Variants in SHC3 observed in about 807,000 individuals in gnomAD.
SHC3 encodes SHC-transforming protein 3.
A neutral mutation model predicts 60.4 loss-of-function variants in SHC3; 15 were observed. The ratio of observed to expected loss-of-function variants is 0.25; its 90% CI spans 0.17 to 0.38. The LOEUF is 0.38. Among genes scored for constraint, SHC3 ranks in the 10% least tolerant of loss-of-function variants. The probability of loss-of-function intolerance (pLI) is 1.00; values close to 1 mark genes in which losing one functional copy is unlikely to be tolerated. For synonymous variants in SHC3, 294 were observed against 325.9 expected (o/e 0.90, Z 1.05); for missense variants, 677 against 786.1 (o/e 0.86, Z 1.66).
At chr9:89,141,540 A>T (rs779378848) in intron 1 of SHC3, among the ~76,000 whole-genome samples, 3 of 152,202 alleles carry the variant, frequency 2.0e-5, no homozygotes, top group Non-Finnish European at 4.4e-5. Context: ...CCAGCATGCC[A>T]GGCTTCTGGG....
rs377205098 is a variant in SHC3 at position 89,082,797 on chromosome 9, T to C, written c.546-4894A>G. Among the ~76,000 whole-genome samples, 4 of 152,300 alleles carry C rather than the reference T, an allele frequency of 2.6e-5. No homozygotes were observed. In the South Asian group the frequency reaches 8.3e-4, roughly 32 times the overall value. ...AACCTGCGGTTGCCTCCCGCCCTCC[T>C]GTCTGAAGGGACCTCATAGTCTCTG... On this transcript the variant is annotated intron_variant, in intron 2 of 11. Transcript: ENST00000375835.
chr9:89,054,162 G>A (rs1317229509), intron 6 of SHC3, among the ~76,000 whole-genome samples: 1 of 152,182 alleles, frequency 6.6e-6, no homozygotes, highest in Non-Finnish European at 1.5e-5. Context: ...AGAGCATGAA[G>A]CCTGGGAAGG....
intron 11 of SHC3, chr9:89,037,326 G>C: frequency 1.7e-6 from 1 of 588,590 alleles, no homozygotes; most frequent in South Asian, 2.3e-5. Context: ...CTGGATAAAA[G>C]GTTTTAAACA....
intron 1 of SHC3, among the ~76,000 whole-genome samples, chr9:89,116,004 C>T (rs1168570799): frequency 6.6e-6 from 1 of 152,064 alleles, no homozygotes; most frequent in Non-Finnish European, 1.5e-5. Flanking sequence ...TAGGCAAGTA[C>T]CATAATTAAT....
intron 1 of SHC3, among the ~76,000 whole-genome samples, chr9:89,142,162 T>TA (rs1022193471): frequency 3.3e-5 from 5 of 152,324 alleles, no homozygotes; most frequent in African/African-American, 9.6e-5. Flanking sequence ...AGAAGGACTT[T>TA]ACTAAATGGC....
Position 89,144,457 on chromosome 9 carries a change from TG to T in SHC3, c.475-31832del, listed in dbSNP as rs1458783836. 7.9e-5 allele frequency among the ~76,000 whole-genome samples: 12 copies of T among 152,190 alleles called. No individual in the cohort carries two copies. The East Asian group carries it at 2.3e-3, about 29-fold the overall frequency. On this transcript the variant is annotated intron_variant, in intron 1 of 11. Transcript: ENST00000375835. ...CTCAGTAGCTCTGGGTGGAGCCTAATGCTAATGATCTGGTCAGAGACCACAT... is the reference window on the plus strand; with the variant it reads ...CTCAGTAGCTCTGGGTGGAGCCTAATCTAATGATCTGGTCAGAGACCACAT...
chr9:89,170,103 C>T (rs748586867), intron 1 of SHC3, among the ~76,000 whole-genome samples: 4 of 152,124 alleles, frequency 2.6e-5, no homozygotes, highest in South Asian at 2.1e-4. Flanking sequence ...AGATCCGAGG[C>T]GTCCAAACCA....
chr9:89,143,377 A>T lies in SHC3; in HGVS notation c.475-30751T>A, dbSNP rs545286582. Among the ~76,000 whole-genome samples, 7 of 151,940 alleles carry T rather than the reference A, an allele frequency of 4.6e-5. No individual in the cohort carries two copies. In the East Asian group the frequency reaches 1.4e-3, roughly 29 times the overall value. On this transcript the variant is annotated intron_variant, in intron 1 of 11. Transcript: ENST00000375835. ...CTTCTTGACTGCAACCTGTTTTATC[A>T]GCAAAGTCTTTATGACCTTTATCTC...
Position 89,047,069 on chromosome 9 carries a change from C to T in SHC3, c.963-75G>A, listed in dbSNP as rs112629985. 1.7e-5 allele frequency: 24 copies of T among 1,425,770 alleles called. 1 individual carries two copies. The East Asian group carries it at 1.7e-4, about 10-fold the overall frequency. 88.3% of individuals were successfully genotyped at this position (1,425,770 alleles called of 1,614,324 possible). ...CCAAAATCAACAAATCTAATGTTAG[C>T]GCCTGTTATTAAGAAAAGAGAGTTT... On this transcript the variant is annotated intron_variant, in intron 7 of 11. Coordinates refer to ENST00000375835, the MANE Select transcript of SHC3 (RefSeq NM_016848.6).
In SHC3 at chr9:89,178,491, G is replaced by C; in HGVS notation, c.-31C>G. 1.4e-6 allele frequency: 2 copies of C among 1,422,864 alleles called. 1 individual carries two copies. Among genetic ancestry groups the C allele is most frequent in the Non-Finnish European group, 1.8e-6 (2 of 1,082,646 alleles). 88.1% of individuals were successfully genotyped at this position (1,422,864 alleles called of 1,614,324 possible). On this transcript the variant is annotated 5_prime_UTR_variant, in exon 1 of 12. Coordinates refer to ENST00000375835, the MANE Select transcript of SHC3 (RefSeq NM_016848.6). The surrounding 1 kb of genome is among the most constrained non-coding windows in gnomAD (Gnocchi z 6.9). ...TCCGTGGGCTCGCTGCATCCGCCCG[G>C]GCGCTGCTGGTGCCGGCCCCGGCGC...
At chr9:89,160,305 T>C (rs914365654) in intron 1 of SHC3, among the ~76,000 whole-genome samples, 5 of 152,288 alleles carry the variant, frequency 3.3e-5, no homozygotes, top group African/African-American at 1.2e-4. Flanking sequence ...CCTACCCAGA[T>C]CTGGATAGTC....
intron 2 of SHC3, 103 bp downstream of exon 2, chr9:89,112,453 C>T (rs2118113347): frequency 7.8e-7 from 1 of 1,281,556 alleles, no homozygotes; most frequent in Non-Finnish European, 1.1e-6. Flanking sequence ...GCCACTAACC[C>T]TCCAAGGGCC....
At chr9:89,118,563 C>A (rs1255685229) in intron 1 of SHC3, among the ~76,000 whole-genome samples, 2 of 151,532 alleles carry the variant, frequency 1.3e-5, no homozygotes, top group Non-Finnish European at 2.9e-5. Context: ...ACTCATGGAC[C>A]ACAGTTGCCT....
intron 6 of SHC3, among the ~76,000 whole-genome samples, chr9:89,053,281 C>T (rs114536851): frequency 3.9e-5 from 6 of 152,344 alleles, no homozygotes; most frequent in African/African-American, 1.4e-4. Flanking sequence ...CGCGTTGGTC[C>T]CTGCAGTGAG....
chr9:89,178,383 C>T lies in SHC3; in HGVS notation c.78G>A (p.Ser26=). The change falls in exon 1 of 12, where the codon TCG becomes TCA. Residue 26 remains serine, a synonymous_variant. Transcript: ENST00000375835. The surrounding 1 kb of genome is among the most constrained non-coding windows in gnomAD (Gnocchi z 6.9). ...TSVDDLLHSL[S]VSGGGGKVSA... ...AAACCTTGCCTCCGCCGCCGCTCAC[C>T]GACAGGCTGTGGAGAAGGTCATCGA... The T allele has an allele frequency of 1.3e-6, 2 of 1,576,158 alleles. No individual in the cohort carries two copies. Among genetic ancestry groups the T allele is most frequent in the Non-Finnish European group, 1.7e-6 (2 of 1,163,410 alleles).
At chr9:89,131,426 G>A (rs1587744142) in intron 1 of SHC3, among the ~76,000 whole-genome samples, 2 of 152,264 alleles carry the variant, frequency 1.3e-5, no homozygotes, top group East Asian at 3.9e-4. Context: ...GCATCATCCT[G>A]ATACCAAAGC....
chr9:89,016,034 A>G (rs946416467), intron 11 of SHC3, among the ~76,000 whole-genome samples: 3 of 152,216 alleles, frequency 2.0e-5, no homozygotes, highest in Non-Finnish European at 4.4e-5. Flanking sequence ...CAATAAATTG[A>G]AAACAGCAAA....
Position 89,068,668 on chromosome 9 carries a change from T to TA in SHC3, c.783+2530dup, listed in dbSNP as rs966057964. 3.7e-4 allele frequency among the ~76,000 whole-genome samples: 56 copies of TA among 151,188 alleles called. 1 individual carries two copies. Among genetic ancestry groups the TA allele is most frequent in the Admixed American group, 7.3e-4 (11 of 15,166 alleles). On this transcript the variant is annotated intron_variant, in intron 5 of 11. Coordinates refer to ENST00000375835, the MANE Select transcript of SHC3 (RefSeq NM_016848.6). ...ATTACTAAATGTTTCCAATTTTTTT[T>TA]AAAAAAAAATAAGATGTGATGAGGA...
At chr9:89,053,590 G>T (rs761338685) in intron 6 of SHC3, among the ~76,000 whole-genome samples, 2 of 152,200 alleles carry the variant, frequency 1.3e-5, no homozygotes, top group Non-Finnish European at 2.9e-5. Flanking sequence ...CCTCGGAAGA[G>T]CAAGTACAAA....
Sources: gnomAD v4.1 joint callset for allele counts (sites outside exome capture counted in the v4.1 genomes callset) on GRCh38, gnomAD v4.1.1 for gene constraint, Gnocchi (gnomAD v3.1) non-coding constraint, MANE v1.5 for transcripts, NCBI Gene and HGNC (gene_info 2026-07-23, HGNC 2026-07-21) for gene names.